The following CHIA variants were observed in gnomAD, a reference collection of about 807,000 sequenced individuals.
CHIA encodes the protein acidic mammalian chitinase.
Under a neutral mutation model 53.5 loss-of-function variants are expected in CHIA, and 47 were observed. That is an observed-to-expected ratio of 0.88 (90% CI 0.70 to 1.12). CHIA has a LOEUF of 1.12. Ranked by LOEUF, CHIA falls within the 50% of genes most tolerant of loss-of-function variation. The pLI, the probability that CHIA is intolerant of heterozygous loss-of-function variation, is 0.00. For synonymous variants in CHIA, 268 were observed against 222.2 expected (o/e 1.21, Z -1.83); for missense variants, 652 against 592.2 (o/e 1.10, Z -1.05).
intron 1 of CHIA, among the ~76,000 whole-genome samples, chr1:111,308,545 T>C (rs1272550281): frequency 1.3e-5 from 2 of 152,162 alleles, no homozygotes; most frequent in African/African-American, 4.8e-5. Context: ...CCTCTGATGA[T>C]AGTCATTTTT....
rs749350753 is a variant in CHIA, at chr1:111,312,227, G to A, written c.93G>A (p.Trp31Ter). Residue 31 changes from tryptophan (W) to a stop codon, truncating the protein, a stop_gained, in exon 4 of 12, where the codon TGG becomes TGA. Transcript: ENST00000369740. LOFTEE classifies it high-confidence loss of function. ...AYQLTCYFTNWAQYRPGLGRF... is the reference protein window; with the variant it reads ...AYQLTCYFTN The stretch of plus-strand genomic sequence containing the variant: ...AGCTGACATGCTACTTCACCAACTG[G>A]GCCCAGTACCGGCCAGGCCTGGGGC... 2 of 1,614,006 alleles carry A rather than the reference G, an allele frequency of 1.2e-6. No individual in the cohort carries two copies. The highest frequency in any genetic ancestry group is 1.7e-6 in the Non-Finnish European group (2 of 1,179,994).
At chr1:111,302,734 T>C (rs182615326) in intron 1 of CHIA, among the ~76,000 whole-genome samples, 10 of 152,324 alleles carry the variant, frequency 6.6e-5, no homozygotes, top group African/African-American at 2.2e-4. Context: ...TTTTGTTAGG[T>C]AGAGTATTCT....
chr1:111,301,820 C>T (rs1390078311), intron 1 of CHIA, among the ~76,000 whole-genome samples: 2 of 151,792 alleles, frequency 1.3e-5, no homozygotes, highest in African/African-American at 2.4e-5. Context: ...AACCATATAC[C>T]GCATGTTCTT....
At chr1:111,301,296 C>T (rs1647705956) in intron 1 of CHIA, among the ~76,000 whole-genome samples, 1 of 152,144 alleles carries the variant, frequency 6.6e-6, no homozygotes, top group South Asian at 2.1e-4. Flanking sequence ...TTTATTGCGG[C>T]ACTATTCACA....
chr1:111,304,906 A>C (rs1212405872), intron 1 of CHIA, among the ~76,000 whole-genome samples: 1 of 151,778 alleles, frequency 6.6e-6, no homozygotes, highest in Non-Finnish European at 1.5e-5. Context: ...GTTTTTTGTT[A>C]CTGTTTTGGT....
chr1:111,317,426 G>C, intron 6 of CHIA: 2 of 376,080 alleles, frequency 5.3e-6, no homozygotes, highest in Non-Finnish European at 1.0e-5. Flanking sequence ...CTGGGTTTTG[G>C]TCATGACCTA....
At chr1:111,297,923 A>AAAAAAAAAG (rs1647332057) in intron 1 of CHIA, among the ~76,000 whole-genome samples, 1 of 89,240 alleles carries the variant, frequency 1.1e-5, no homozygotes, top group African/African-American at 3.5e-5. Flanking sequence ...AAAAAAAAAA[A>AAAAAAAAAG]AACAAGCAGG....
At position 111,314,799 on chromosome 1, in the gene CHIA, C is replaced by T. The variant is rs3818823; in HGVS notation, c.314+203C>T. ...TATTTCATACATTTAATTTGGTGGA[C>T]ATTTGGGGGCCCTATCCACAGAGGT... On this transcript the variant is annotated intron_variant, in intron 5 of 11. Coordinates refer to ENST00000369740, the MANE Select transcript of CHIA (RefSeq NM_201653.4). The T allele has an allele frequency of 7.1e-4, 378 of 534,452 alleles. 2 individuals are homozygous for T. The East Asian group carries it at 0.01, about 15-fold the overall frequency. 33.1% of individuals were successfully genotyped at this position (534,452 alleles called of 1,614,324 possible).
At chr1:111,293,544 T>C (rs1205005303) in intron 1 of CHIA, among the ~76,000 whole-genome samples, 1 of 152,230 alleles carries the variant, frequency 6.6e-6, no homozygotes, top group African/African-American at 2.4e-5. Context: ...GTTGCACTTT[T>C]ACTCTGTTTG....
chr1:111,319,556 G>T, intron 11 of CHIA, 88 bp downstream of exon 11: 1 of 1,281,648 alleles, frequency 7.8e-7, no homozygotes, highest in Non-Finnish European at 1.1e-6. Flanking sequence ...CCTCCCCCTT[G>T]CCCAGGGATC....
chr1:111,314,531 G>A lies in CHIA; in HGVS notation c.258-9G>A. The stretch of plus-strand genomic sequence containing the variant: ...TGAAGTTTATCTGTTTCTATCCTTT[G>A]TTTTACAGGAACAGCCAGCTGAAAA... On this transcript the variant is annotated splice_polypyrimidine_tract_variant and intron_variant, in intron 4 of 11. Transcript: ENST00000369740. 6.3e-7 allele frequency: 1 copy of A among 1,597,582 alleles called. No homozygotes were observed. Among genetic ancestry groups the A allele is most frequent in the South Asian group, 1.1e-5 (1 of 90,624 alleles).
intron 6 of CHIA, 62 bp from the exon 7 acceptor site, chr1:111,317,619 G>C: frequency 6.4e-7 from 1 of 1,572,068 alleles, no homozygotes; most frequent in Non-Finnish European, 8.8e-7. Context: ...ATGTTTATTA[G>C]TATTATTTAA....
At chr1:111,308,378 G>A (rs1027989329) in intron 1 of CHIA, among the ~76,000 whole-genome samples, 2 of 152,156 alleles carry the variant, frequency 1.3e-5, no homozygotes, top group Non-Finnish European at 2.9e-5. Context: ...ACTACCTTGG[G>A]AAAATGCCTC....
chr1:111,298,250 G>T lies in CHIA; in HGVS notation c.-69+7300G>T, dbSNP rs1221053508. 5.3e-5 allele frequency among the ~76,000 whole-genome samples: 8 copies of T among 152,292 alleles called. No individual in the cohort carries two copies. The South Asian group carries it at 1.4e-3, about 28-fold the overall frequency. Reference sequence around the variant, plus strand: ...AGCTCTGCACTAAGCAGACCTAATAGACATCTGCAGAACTCTCCACCCCAA... The same window carrying T: ...AGCTCTGCACTAAGCAGACCTAATATACATCTGCAGAACTCTCCACCCCAA... On this transcript the variant is annotated intron_variant, in intron 1 of 11. Transcript: ENST00000369740.
chr1:111,310,431 T>G lies in CHIA; in HGVS notation c.-37T>G, dbSNP rs371120238. On this transcript the variant is annotated 5_prime_UTR_variant, in exon 2 of 12. Transcript: ENST00000369740. ...TTGTGATAACCACAGAATCAGAACATATAAAAAGCTCTGCGGGACTGGTGC... is the reference window on the plus strand; with the variant it reads ...TTGTGATAACCACAGAATCAGAACAGATAAAAAGCTCTGCGGGACTGGTGC... 2 of 1,383,052 alleles carry G rather than the reference T, an allele frequency of 1.4e-6. No homozygotes were observed. The highest frequency in any genetic ancestry group is 3.2e-5 in the African/African-American group (2 of 63,172). The allele number at this position is 1,383,052 out of a possible 1,614,324, so 85.7% of individuals were successfully genotyped here. A position where few individuals can be genotyped will look rare whatever the true frequency, so the allele number is the denominator to read the frequency against.
chr1:111,309,121 G>A (rs138488720), intron 1 of CHIA, among the ~76,000 whole-genome samples: 4 of 152,226 alleles, frequency 2.6e-5, no homozygotes, highest in African/African-American at 7.2e-5. Flanking sequence ...AAACCACCAT[G>A]GCACATGTTT....
At position 111,312,358 on chromosome 1, in the gene CHIA, C is replaced by G; in HGVS notation, c.224C>G (p.Thr75Ser). ...ACCACCATCGAATGGAATGATGTGA[C>G]TCTCTACCAAGCTTTCAATGGCCTG... ...EITTIEWNDV[T>S]LYQAFNGLKN... Residue 75 changes from threonine to serine, a missense_variant, in exon 4 of 12, where the codon ACT becomes AGT. Coordinates refer to ENST00000369740, the MANE Select transcript of CHIA (RefSeq NM_201653.4). 1 of 1,614,112 alleles carries G rather than the reference C, an allele frequency of 6.2e-7. No homozygotes were observed. Among genetic ancestry groups the G allele is most frequent in the South Asian group, 1.1e-5 (1 of 91,080 alleles).
chr1:111,319,568 T>C, intron 11 of CHIA, 100 bp downstream of exon 11: 1 of 1,110,710 alleles, frequency 9.0e-7, no homozygotes, highest in Non-Finnish European at 1.3e-6. Context: ...CCAGGGATCC[T>C]CTTTCCACTT....
chr1:111,311,787 A>G lies in CHIA; in HGVS notation c.55+69A>G, dbSNP rs1216545510. ...GAGATAAACCATACTATGGAAAGAGAGCCGCTGTTTGCTTCACAGACAGAT... is the reference window on the plus strand; with the variant it reads ...GAGATAAACCATACTATGGAAAGAGGGCCGCTGTTTGCTTCACAGACAGAT... On this transcript the variant is annotated intron_variant, in intron 3 of 11. Coordinates refer to ENST00000369740, the MANE Select transcript of CHIA (RefSeq NM_201653.4). 14 of 1,534,464 alleles carry G rather than the reference A, an allele frequency of 9.1e-6. 1 individual carries two copies. The Admixed American group carries it at 2.3e-4, about 26-fold the overall frequency.
Sources: gnomAD v4.1 joint callset for allele counts (sites outside exome capture counted in the v4.1 genomes callset) on GRCh38, gnomAD v4.1.1 for gene constraint, MANE v1.5 for transcripts, NCBI Gene and HGNC (gene_info 2026-07-23, HGNC 2026-07-21) for gene names.